Variants in SLC14A2 observed in about 807,000 individuals in gnomAD.
The protein encoded by SLC14A2 is solute carrier family 14 member 2.
In SLC14A2, 91 loss-of-function variants were observed where a neutral mutation model predicts 104.6. That is an observed-to-expected ratio of 0.87 (90% CI 0.73 to 1.04). The LOEUF (loss-of-function observed/expected upper bound fraction) is 1.04. Ranked by LOEUF, SLC14A2 falls within the 50% of genes least tolerant of loss-of-function variation. The probability of loss-of-function intolerance (pLI) is 0.00; values close to 1 mark genes in which losing one functional copy is unlikely to be tolerated. For synonymous variants in SLC14A2, 476 were observed against 466.4 expected, an observed-to-expected ratio of 1.02 and a Z score of -0.27; for missense variants, 1,189 against 1,156.0, an observed-to-expected ratio of 1.03 and a Z score of -0.41.
intron 1 of SLC14A2, among the ~76,000 whole-genome samples, chr18:45,372,284 C>T (rs1398780945): frequency 6.6e-6 from 1 of 151,298 alleles, no homozygotes; most frequent in Non-Finnish European, 1.5e-5. Flanking sequence ...TGCACTCCAG[C>T]CTGGACAACA....
At chr18:45,612,211 A>G (rs1332578287), upstream of SLC14A2, among the ~76,000 whole-genome samples, 2 of 152,210 alleles carry the variant, frequency 1.3e-5, no homozygotes, top group African/African-American at 2.4e-5. Flanking sequence ...TTCCAGCCCA[A>G]GGTCAACAGA....
intron 1 of SLC14A2, among the ~76,000 whole-genome samples, chr18:45,354,367 C>T (rs2085531155): frequency 6.6e-6 from 1 of 152,214 alleles, no homozygotes. Flanking sequence ...AGCTGGGATG[C>T]ACTGGCTTCT....
At chr18:45,460,028 TC>T (rs150159307) in intron 1 of SLC14A2, among the ~76,000 whole-genome samples, 81 of 152,304 alleles carry the variant, frequency 5.3e-4, no homozygotes, top group African/African-American at 1.9e-3. Flanking sequence ...GCACCCAATA[TC>T]CCGGACTCTT....
At chr18:45,241,421 G>A in intron 1 of SLC14A2, among the ~76,000 whole-genome samples, 1 of 152,168 alleles carries the variant, frequency 6.6e-6, no homozygotes, top group East Asian at 1.9e-4. Context: ...TCATCTGAGT[G>A]AGAGAAGACA....
intron 1 of SLC14A2, among the ~76,000 whole-genome samples, chr18:45,451,547 A>G (rs985799208): frequency 1.3e-5 from 2 of 152,168 alleles, no homozygotes; most frequent in Non-Finnish European, 2.9e-5. Flanking sequence ...ATTTCATTGT[A>G]TGAAATTTTC....
chr18:45,531,280 C>T (rs1362001043), intron 2 of SLC14A2, among the ~76,000 whole-genome samples: 1 of 152,204 alleles, frequency 6.6e-6, no homozygotes, highest in Admixed American at 6.5e-5. Context: ...GCCACACTGA[C>T]TTCCACAATG....
intron 1 of SLC14A2, among the ~76,000 whole-genome samples, chr18:45,438,580 A>G (rs775655954): frequency 3.3e-5 from 5 of 152,236 alleles, no homozygotes; most frequent in Non-Finnish European, 5.9e-5. Context: ...GATGATTTAT[A>G]ATAGCCAAAG....
At position 45,624,710 on chromosome 18, in the gene SLC14A2, AGCAGATACAAACTCTACGAG is replaced by A; in HGVS notation, c.52_71del (p.Tyr18ValfsTer24). ...TCCTCTCCTGCCAGAGCCACTTTCCAGCAGATACAAACTCTACGAGGCAGAGTTTACCAGCCCGAGCTGGC... is the reference window on the plus strand; with the variant it reads ...TCCTCTCCTGCCAGAGCCACTTTCCAGCAGAGTTTACCAGCCCGAGCTGGC... On this transcript the variant is annotated frameshift_variant, in exon 2 of 20. Transcript: ENST00000255226. LOFTEE classifies it high-confidence loss of function. 6.2e-7 allele frequency: 1 copy of A among 1,613,490 alleles called. No homozygotes were observed. Among genetic ancestry groups the A allele is most frequent in the Non-Finnish European group, 8.5e-7 (1 of 1,179,750 alleles).
rs570535684 is a variant in SLC14A2 at position 45,669,407 on chromosome 18, C to T, written c.2138C>T (p.Thr713Met). ...ACTGTGACTTTGTACCTGGCAGCCACGGGCCACTACAACCTTTTCTTCCCC... is the reference window on the plus strand; with the variant it reads ...ACTGTGACTTTGTACCTGGCAGCCATGGGCCACTACAACCTTTTCTTCCCC... ...NITVTLYLAA[T>M]GHYNLFFPTT... Residue 713 changes from threonine to methionine, a missense_variant, in exon 16 of 20, where the codon ACG becomes ATG. By Grantham distance (81) the Thr-to-Met change is moderately conservative. Coordinates refer to ENST00000255226, the MANE Select transcript of SLC14A2 (RefSeq NM_007163.4). 16 of 1,613,802 alleles carry T rather than the reference C, an allele frequency of 9.9e-6. No homozygotes were observed. Among genetic ancestry groups the T allele is most frequent in the East Asian group, 4.5e-5 (2 of 44,894 alleles).
chr18:45,179,614 G>T, the SLC14A2 span, among the ~76,000 whole-genome samples: 1 of 152,134 alleles, frequency 6.6e-6, no homozygotes, highest in Non-Finnish European at 1.5e-5. Context: ...ACTGAATGCC[G>T]AAGGAGAACA....
At chr18:45,508,470 C>G (rs2543032) in intron 2 of SLC14A2, among the ~76,000 whole-genome samples, 122,947 of 152,174 alleles carry the variant, frequency 0.81, 50,738 homozygotes, top group Non-Finnish European at 0.91. Flanking sequence ...CGCCATGTGA[C>G]ATGTGCCTTT....
chr18:45,417,722 T>A (rs1227902689), intron 1 of SLC14A2, among the ~76,000 whole-genome samples: 2 of 152,152 alleles, frequency 1.3e-5, no homozygotes, highest in Non-Finnish European at 1.5e-5. Context: ...TTATCATCGT[T>A]ATTGTTGATA....
intron 2 of SLC14A2, among the ~76,000 whole-genome samples, chr18:45,538,017 A>G (rs2043821907): frequency 1.3e-5 from 2 of 152,152 alleles, no homozygotes; most frequent in African/African-American, 2.4e-5. Context: ...CTAAAGTAAC[A>G]CTCATTTGCT....
intron 1 of SLC14A2, among the ~76,000 whole-genome samples, chr18:45,616,233 A>C (rs1198964101): frequency 6.6e-6 from 1 of 152,186 alleles, no homozygotes; most frequent in Non-Finnish European, 1.5e-5. Flanking sequence ...ACCCCTACGT[A>C]ATAGGTGGGC....
chr18:45,336,597 G>A (rs369545588), intron 1 of SLC14A2, among the ~76,000 whole-genome samples: 5 of 151,960 alleles, frequency 3.3e-5, no homozygotes, highest in African/African-American at 7.3e-5. Context: ...TTACCTCATC[G>A]CCAACAGAGC....
chr18:45,417,746 C>T (rs1222119555), intron 1 of SLC14A2, among the ~76,000 whole-genome samples: 1 of 151,948 alleles, frequency 6.6e-6, no homozygotes, highest in Non-Finnish European at 1.5e-5. Context: ...ATTGTCATTG[C>T]CTTAAGTGTG....
At chr18:45,448,443 C>T (rs972174338) in intron 1 of SLC14A2, among the ~76,000 whole-genome samples, 2 of 152,136 alleles carry the variant, frequency 1.3e-5, no homozygotes, top group Non-Finnish European at 2.9e-5. Flanking sequence ...TGGACTTTTT[C>T]CAGAAGTTAT....
At chr18:45,551,585 G>T (rs1011664775) in intron 2 of SLC14A2, among the ~76,000 whole-genome samples, 2 of 152,218 alleles carry the variant, frequency 1.3e-5, no homozygotes, top group African/African-American at 2.4e-5. Flanking sequence ...GAAAGGGGAA[G>T]TGAGATGTGT....
intron 1 of SLC14A2, among the ~76,000 whole-genome samples, chr18:45,283,346 C>G (rs1439333291): frequency 7.4e-6 from 1 of 134,394 alleles, no homozygotes. Context: ...ACCCTCCTGA[C>G]TTACTGAGAC....
Sources: allele counts gnomAD v4.1 joint callset (sites outside exome capture counted in the v4.1 genomes callset), GRCh38; gene constraint gnomAD v4.1.1; transcripts MANE v1.5; gene names NCBI Gene and HGNC (gene_info 2026-07-23, HGNC 2026-07-21).